The following MAP2 variants were observed in gnomAD, a reference collection of about 807,000 sequenced individuals.
MAP2 encodes the protein microtubule associated protein 2, also known as microtubule-associated protein 2.
In MAP2, 14 loss-of-function variants were observed where a neutral mutation model predicts 137.6. The ratio of observed to expected loss-of-function variants is 0.10; its 90% CI spans 0.07 to 0.16. The LOEUF (loss-of-function observed/expected upper bound fraction) is 0.16. MAP2 is among the 10% of genes least tolerant of loss of function. MAP2 has a pLI of 1.00. For missense variants in MAP2, 2,088 were observed against 2,191.5 expected (o/e 0.95, Z 0.94); for synonymous variants, 786 against 782.3 (o/e 1.00, Z -0.08).
intron 2 of MAP2, among the ~76,000 whole-genome samples, chr2:209,569,941 A>G (rs2074115402): frequency 6.6e-6 from 1 of 151,768 alleles, no homozygotes; most frequent in African/African-American, 2.4e-5. Flanking sequence ...TTCTTTAAAA[A>G]CCCATGAGCC....
intron 5 of MAP2, among the ~76,000 whole-genome samples, chr2:209,669,077 G>A (rs1467301753): frequency 6.6e-6 from 1 of 152,004 alleles, no homozygotes; most frequent in Non-Finnish European, 1.5e-5. Context: ...CAATACTTTT[G>A]TAGCTATAAT....
intron 1 of MAP2, among the ~76,000 whole-genome samples, chr2:209,496,552 C>A (rs184846793): frequency 6.6e-6 from 1 of 152,112 alleles, no homozygotes; most frequent in African/African-American, 2.4e-5. Context: ...TTGCATATCA[C>A]GTAAAATCAT....
rs370470543 is a variant in MAP2, at chr2:209,694,187, C to T, written c.2017C>T (p.Leu673Phe). The T allele has an allele frequency of 1.9e-6, 3 of 1,614,116 alleles. No homozygotes were observed. Among genetic ancestry groups the T allele is most frequent in the Non-Finnish European group, 2.5e-6 (3 of 1,180,006 alleles). ...AAAAGTGTATGGAGAGAAAAGGGAC[C>T]TCCACAGTAAGAATAAGGATGATTT... The part of the protein sequence containing the change: ...DPKVYGEKRD[L>F]HSKNKDDLTL... Residue 673 changes from leucine to phenylalanine, a missense_variant, in exon 8 of 16, where the codon CTC becomes TTC. Around this residue, in one of 6 missense-constraint regions of MAP2, gnomAD observed 859 missense variants for 794.5 expected, o/e 1.08. Coordinates refer to ENST00000682079, the MANE Select transcript of MAP2 (RefSeq NM_001375505.1).
At chr2:209,610,472 G>GC (rs2086454239) in intron 3 of MAP2, among the ~76,000 whole-genome samples, 1 of 151,828 alleles carries the variant, frequency 6.6e-6, no homozygotes, top group Admixed American at 6.6e-5. Flanking sequence ...CCAGGGCTTA[G>GC]CTGTGTTAAG....
chr2:209,613,537 T>C (rs1399601981), intron 3 of MAP2, among the ~76,000 whole-genome samples: 1 of 152,112 alleles, frequency 6.6e-6, no homozygotes, highest in African/African-American at 2.4e-5. Context: ...ACAGTGCAGG[T>C]TGCTGGCTTT....
intron 1 of MAP2, among the ~76,000 whole-genome samples, chr2:209,443,010 C>A (rs961489676): frequency 2.0e-5 from 3 of 151,518 alleles, no homozygotes; most frequent in Non-Finnish European, 4.4e-5. Flanking sequence ...AGTGATTGAT[C>A]TTTCTTATCT....
chr2:209,431,508 A>G (rs1165454803), intron 1 of MAP2, among the ~76,000 whole-genome samples: 1 of 152,164 alleles, frequency 6.6e-6, no homozygotes, highest in Non-Finnish European at 1.5e-5. Flanking sequence ...TGCTATTTAT[A>G]TATGAATTAG....
At chr2:209,631,698 T>A (rs1398989324) in intron 4 of MAP2, among the ~76,000 whole-genome samples, 1 of 152,138 alleles carries the variant, frequency 6.6e-6, no homozygotes, top group African/African-American at 2.4e-5. Flanking sequence ...TTCGAGCCAA[T>A]CATCATTTTA....
Position 209,710,271 on chromosome 2 carries a change from C to A in MAP2, c.5073+17C>A. 6.5e-7 allele frequency: 1 copy of A among 1,530,592 alleles called. No individual in the cohort carries two copies. The highest frequency in any genetic ancestry group is 8.9e-7 in the Non-Finnish European group (1 of 1,127,866). The allele number at this position is 1,530,592 out of a possible 1,614,324, so 94.8% of individuals were successfully genotyped here. A position where few individuals can be genotyped will look rare whatever the true frequency, so the allele number is the denominator to read the frequency against. On this transcript the variant is annotated intron_variant, in intron 13 of 15. Coordinates refer to ENST00000682079, the MANE Select transcript of MAP2 (RefSeq NM_001375505.1). Reference sequence around the variant, plus strand: ...GGGGGGCAGGTAAGAATTGCATGAACACATATTTGCTGCCAGAAATAATTA... The same window carrying A: ...GGGGGGCAGGTAAGAATTGCATGAAAACATATTTGCTGCCAGAAATAATTA...
At chr2:209,455,570 T>A (rs1177655618) in intron 1 of MAP2, among the ~76,000 whole-genome samples, 1 of 152,172 alleles carries the variant, frequency 6.6e-6, no homozygotes, top group African/African-American at 2.4e-5. Flanking sequence ...TTAGGAAGAT[T>A]TCCTGACACA....
At chr2:209,538,032 T>G (rs1304138509) in intron 2 of MAP2, among the ~76,000 whole-genome samples, 3 of 152,196 alleles carry the variant, frequency 2.0e-5, no homozygotes, top group African/African-American at 4.8e-5. Context: ...TCAGGCAGAT[T>G]GAACCCAGTC....
At chr2:209,541,053 C>T (rs1004231736) in intron 2 of MAP2, among the ~76,000 whole-genome samples, 4 of 151,028 alleles carry the variant, frequency 2.6e-5, no homozygotes, top group Admixed American at 6.6e-5. Flanking sequence ...TTTTTTGAGA[C>T]GGAGTCTTAT....
intron 4 of MAP2, among the ~76,000 whole-genome samples, chr2:209,632,552 C>G (rs1250489470): frequency 1.3e-5 from 2 of 152,160 alleles, no homozygotes; most frequent in African/African-American, 4.8e-5. Context: ...TACAAAGTCT[C>G]TATCTTCAAC....
chr2:209,434,874 TTA>T (rs199921912), intron 1 of MAP2, among the ~76,000 whole-genome samples: 17,000 of 93,040 alleles, frequency 0.18, 3,375 homozygotes, highest in African/African-American at 0.48. Flanking sequence ...TATATATATG[TTA>T]TATATATGTT....
intron 1 of MAP2, among the ~76,000 whole-genome samples, chr2:209,432,724 A>C (rs1422105514): frequency 6.6e-6 from 1 of 152,116 alleles, no homozygotes; most frequent in African/African-American, 2.4e-5. Context: ...GTTTCTTATA[A>C]TTTCCATATA....
At chr2:209,668,952 A>G (rs954003640) in intron 5 of MAP2, among the ~76,000 whole-genome samples, 1 of 152,054 alleles carries the variant, frequency 6.6e-6, no homozygotes, top group African/African-American at 2.4e-5. Flanking sequence ...TGATTATCTG[A>G]TTATATATTC....
intron 5 of MAP2, among the ~76,000 whole-genome samples, chr2:209,673,282 G>T (rs3768822): frequency 6.6e-6 from 1 of 151,432 alleles, no homozygotes; most frequent in Non-Finnish European, 1.5e-5. Context: ...TGTCACTCAT[G>T]CATAGCCATG....
At chr2:209,596,616 G>A (rs1474353543) in intron 3 of MAP2, among the ~76,000 whole-genome samples, 6 of 152,162 alleles carry the variant, frequency 3.9e-5, no homozygotes, top group Non-Finnish European at 8.8e-5. Flanking sequence ...AAACAACTAT[G>A]CTCAAATATT....
At chr2:209,654,055 G>A (rs2094975400) in intron 5 of MAP2, among the ~76,000 whole-genome samples, 1 of 152,130 alleles carries the variant, frequency 6.6e-6, no homozygotes, top group Non-Finnish European at 1.5e-5. Flanking sequence ...GAAAGGCAAA[G>A]TTTAAAGCAG....
Sources: allele counts gnomAD v4.1 joint callset (sites outside exome capture counted in the v4.1 genomes callset), GRCh38; gene constraint gnomAD v4.1.1; regional missense constraint gnomAD v4.1.1; transcripts MANE v1.5; gene names NCBI Gene and HGNC (gene_info 2026-07-23, HGNC 2026-07-21).